PCDHA3: variants seen among roughly 807,000 people sequenced by gnomAD.
The protein encoded by PCDHA3 is protocadherin alpha 3, also known as protocadherin alpha-3.
PCDHA3 carries 41 observed loss-of-function variants against 62.2 expected under a neutral mutation model. That is an observed-to-expected ratio of 0.66 (90% CI 0.51 to 0.86). PCDHA3 has a LOEUF of 0.86. PCDHA3 is among the 40% of genes least tolerant of loss of function. The probability of loss-of-function intolerance (pLI) is 0.00; values close to 1 mark genes in which losing one functional copy is unlikely to be tolerated. For synonymous variants in PCDHA3, 640 were observed against 555.4 expected (o/e 1.15, Z -2.14); for missense variants, 1,304 against 1,241.2 (o/e 1.05, Z -0.76).
chr5:140,947,905 G>C (rs181055131), intron 1 of PCDHA3, among the ~76,000 whole-genome samples: 1 of 151,610 alleles, frequency 6.6e-6, no homozygotes, highest in East Asian at 1.9e-4. Flanking sequence ...GGTGAGAGCA[G>C]ACATTCTTGC....
chr5:140,974,975 T>A (rs782637911), intron 1 of PCDHA3, among the ~76,000 whole-genome samples: 1 of 152,222 alleles, frequency 6.6e-6, no homozygotes, highest in African/African-American at 2.4e-5. Context: ...GTGGCTGAGT[T>A]GTCCGCTCAG....
Position 140,941,218 on chromosome 5 carries a change from T to C in PCDHA3, c.2395-37731T>C, listed in dbSNP as rs552463058. ...TTCTTTCTTCCTTTCTTTCTTCCTT[T>C]CTTTCTTTCTTTCTTTCTTTCTTTC... On this transcript the variant is annotated intron_variant, in intron 1 of 3. Transcript: ENST00000522353. 5.6e-5 allele frequency among the ~76,000 whole-genome samples: 7 copies of C among 125,730 alleles called. No homozygotes were observed. In the South Asian group the frequency reaches 7.6e-4, roughly 14 times the overall value. 82.5% of individuals were successfully genotyped at this position (125,730 alleles called of 152,430 possible). A position where few individuals can be genotyped will look rare whatever the true frequency, so the allele number is the denominator to read the frequency against.
chr5:140,973,631 A>G (rs1554235456), intron 1 of PCDHA3, among the ~76,000 whole-genome samples: 1 of 152,210 alleles, frequency 6.6e-6, no homozygotes, highest in African/African-American at 2.4e-5. Flanking sequence ...TGTATCTTGT[A>G]CACATTCTGA....
At chr5:140,960,836 AG>A (rs551951864) in intron 1 of PCDHA3, among the ~76,000 whole-genome samples, 345 of 152,342 alleles carry the variant, frequency 2.3e-3, no homozygotes, top group African/African-American at 7.6e-3. Flanking sequence ...AACTTGGAAC[AG>A]GTTTAATGGC....
At chr5:140,929,690 C>A in intron 1 of PCDHA3, 1 of 278,482 alleles carries the variant, frequency 3.6e-6, no homozygotes, top group Non-Finnish European at 7.0e-6. Flanking sequence ...TAAGAGTCTG[C>A]TTTATATGAA....
chr5:140,941,447 C>T (rs1180553779), intron 1 of PCDHA3, among the ~76,000 whole-genome samples: 1 of 150,780 alleles, frequency 6.6e-6, no homozygotes, highest in South Asian at 2.1e-4. Flanking sequence ...TCGGGAGTAG[C>T]TGGGATTACA....
At chr5:140,853,785 C>A in intron 1 of PCDHA3, 1 of 987,514 alleles carries the variant, frequency 1.0e-6, no homozygotes. Flanking sequence ...GTAGTAAGAG[C>A]AAATTTTCAT....
chr5:140,851,507 AAT>A, intron 1 of PCDHA3: 1 of 903,816 alleles, frequency 1.1e-6, no homozygotes, highest in Non-Finnish European at 1.3e-6. Flanking sequence ...ACTTATATAA[AAT>A]ATGTTTTAAA....
intron 1 of PCDHA3, among the ~76,000 whole-genome samples, chr5:140,904,137 G>A (rs2070857554): frequency 6.6e-6 from 1 of 152,040 alleles, no homozygotes; most frequent in African/African-American, 2.4e-5. Context: ...CATCACCCGA[G>A]CAGTATACAT....
At chr5:140,804,777 A>C (rs1763458869) in intron 1 of PCDHA3, 1 of 258,046 alleles carries the variant, frequency 3.9e-6, no homozygotes, top group African/African-American at 2.2e-5. Context: ...ACTCCCATTT[A>C]AGTTTCCCTA....
At chr5:140,904,275 C>A (rs169087) in intron 1 of PCDHA3, among the ~76,000 whole-genome samples, 7,060 of 152,068 alleles carry the variant, frequency 0.046, 292 homozygotes, top group African/African-American at 0.11. Flanking sequence ...TGAATGAGAA[C>A]ATGTGGTGTT....
At chr5:140,847,461 C>T (rs1781028892) in intron 1 of PCDHA3, 1 of 149,664 alleles carries the variant, frequency 6.7e-6, no homozygotes, top group South Asian at 2.1e-4. Context: ...TTTAATTAAT[C>T]GACTTGGACG....
chr5:140,823,016 G>T (rs1554129036), intron 1 of PCDHA3: 1 of 1,614,216 alleles, frequency 6.2e-7, no homozygotes, highest in Non-Finnish European at 8.5e-7. Context: ...GCCCTGGACC[G>T]CGAGAGCGTG....
chr5:140,830,576 T>G, intron 1 of PCDHA3: 3 of 821,498 alleles, frequency 3.7e-6, no homozygotes, highest in Non-Finnish European at 5.1e-6. Flanking sequence ...TGTTTTTAAT[T>G]TTTAATTAAT....
At chr5:140,945,158 G>C in intron 1 of PCDHA3, among the ~76,000 whole-genome samples, 1 of 151,932 alleles carries the variant, frequency 6.6e-6, no homozygotes, top group Non-Finnish European at 1.5e-5. Flanking sequence ...ATACACTATT[G>C]AACTATCTGA....
At chr5:140,810,700 C>T (rs1160522767) in intron 1 of PCDHA3, 3 of 151,642 alleles carry the variant, frequency 2.0e-5, no homozygotes, top group Non-Finnish European at 4.4e-5. Flanking sequence ...TTCCATAGAA[C>T]TTTATTTATT....
At position 140,863,585 on chromosome 5, in the gene PCDHA3, A is replaced by G. The variant is rs1365017699; in HGVS notation, c.2394+59994A>G. ...GAGAATATAAGTACTGTAATCCTGG[A>G]AAGTATTTCATTCCTATTAATGTCC... On this transcript the variant is annotated intron_variant, in intron 1 of 3. Coordinates refer to ENST00000522353, the MANE Select transcript of PCDHA3 (RefSeq NM_018906.3). The G allele has an allele frequency of 3.6e-5, 13 of 361,228 alleles. No homozygotes were observed. The East Asian group carries it at 7.6e-4, about 21-fold the overall frequency. The allele number at this position is 361,228 out of a possible 1,614,324, so 22.4% of individuals were successfully genotyped here.
intron 3 of PCDHA3, among the ~76,000 whole-genome samples, chr5:140,989,714 A>T (rs2097355942): frequency 6.6e-6 from 1 of 152,202 alleles, no homozygotes; most frequent in Non-Finnish European, 1.5e-5. Context: ...AGAGGCAGTC[A>T]GCTTTGCAGT....
intron 1 of PCDHA3, chr5:140,849,719 G>A (rs1386986772): frequency 6.3e-7 from 1 of 1,598,560 alleles, no homozygotes; most frequent in Non-Finnish European, 8.6e-7. Flanking sequence ...ACTCGTTGGT[G>A]CTGGACAGAG....
Sources: allele counts gnomAD v4.1 joint callset (sites outside exome capture counted in the v4.1 genomes callset), GRCh38; gene constraint gnomAD v4.1.1; transcripts MANE v1.5; gene names NCBI Gene and HGNC (gene_info 2026-07-23, HGNC 2026-07-21).